Variants in ERICH6B observed in about 807,000 individuals in gnomAD.
ERICH6B encodes the protein glutamate rich 6B.
Under a neutral mutation model 80.0 loss-of-function variants are expected in ERICH6B, and 69 were observed. The ratio of observed to expected loss-of-function variants is 0.86; its 90% CI spans 0.71 to 1.05. The LOEUF is 1.05. Ranked by LOEUF, ERICH6B falls within the 50% of genes least tolerant of loss-of-function variation. The pLI, the probability that ERICH6B is intolerant of heterozygous loss-of-function variation, is 0.00. For missense variants in ERICH6B, 754 were observed against 796.1 expected (o/e 0.95, Z 0.64); for synonymous variants, 283 against 291.9 (o/e 0.97, Z 0.31).
intron 13 of ERICH6B, among the ~76,000 whole-genome samples, chr13:45,546,439 C>T (rs897016401): frequency 1.3e-5 from 2 of 152,178 alleles, no homozygotes; most frequent in Admixed American, 6.5e-5. Context: ...CAGGGTGTGG[C>T]GATGTACTAC....
intron 4 of ERICH6B, among the ~76,000 whole-genome samples, chr13:45,587,865 G>T (rs529229547): frequency 6.6e-6 from 1 of 152,252 alleles, no homozygotes; most frequent in South Asian, 2.1e-4. Flanking sequence ...GAATGAGAGG[G>T]GTCCTTGGGG....
intron 5 of ERICH6B, among the ~76,000 whole-genome samples, chr13:45,582,875 A>G (rs1236138725): frequency 6.6e-6 from 1 of 152,218 alleles, no homozygotes; most frequent in African/African-American, 2.4e-5. Flanking sequence ...AAAGTGACCT[A>G]AAAGCCAGTA....
intron 1 of ERICH6B, among the ~76,000 whole-genome samples, chr13:45,613,642 G>A (rs1949911955): frequency 6.6e-6 from 1 of 152,142 alleles, no homozygotes; most frequent in Admixed American, 6.5e-5. Context: ...CTTGGGACTT[G>A]GGGTGTGCTG....
intron 3 of ERICH6B, 60 bp downstream of exon 3, chr13:45,596,309 C>T: frequency 6.7e-7 from 1 of 1,485,324 alleles, no homozygotes; most frequent in Non-Finnish European, 9.0e-7. Context: ...TTCATCCAAC[C>T]TTCTTTCCCT....
intron 14 of ERICH6B, 107 bp downstream of exon 14, chr13:45,544,653 A>G: frequency 2.2e-6 from 2 of 928,886 alleles, no homozygotes; most frequent in Non-Finnish European, 3.3e-6. Flanking sequence ...GTTGGCATAT[A>G]TAGAACAAGC....
At chr13:45,613,664 C>A (rs1249710537) in intron 1 of ERICH6B, among the ~76,000 whole-genome samples, 1 of 152,132 alleles carries the variant, frequency 6.6e-6, no homozygotes, top group East Asian at 1.9e-4. Context: ...CTAACCAACC[C>A]CTTTCTTCTA....
chr13:45,551,111 G>T (rs1874206071), intron 11 of ERICH6B, among the ~76,000 whole-genome samples: 1 of 152,098 alleles, frequency 6.6e-6, no homozygotes, highest in South Asian at 2.1e-4. Context: ...AAAATTTTAA[G>T]TTTATAGTGT....
intron 11 of ERICH6B, among the ~76,000 whole-genome samples, chr13:45,558,067 A>C (rs1874512114): frequency 1.3e-5 from 2 of 152,140 alleles, no homozygotes; most frequent in Admixed American, 1.3e-4. Flanking sequence ...ATCCATGAGC[A>C]TGGGATGTGT....
At chr13:45,542,548 G>A (rs1007753569) in intron 14 of ERICH6B, among the ~76,000 whole-genome samples, 5 of 152,322 alleles carry the variant, frequency 3.3e-5, no homozygotes, top group Middle Eastern at 3.4e-3. Context: ...TCTCCAAGGC[G>A]TCAGGCCCCC....
intron 2 of ERICH6B, among the ~76,000 whole-genome samples, chr13:45,599,694 A>T (rs1316392460): frequency 2.0e-5 from 3 of 152,116 alleles, no homozygotes; most frequent in Admixed American, 1.3e-4. Flanking sequence ...TTACAGTTTC[A>T]GTTTGATTAT....
intron 1 of ERICH6B, among the ~76,000 whole-genome samples, chr13:45,608,545 A>G (rs1949882304): frequency 6.6e-6 from 1 of 152,236 alleles, no homozygotes; most frequent in Non-Finnish European, 1.5e-5. Flanking sequence ...CCTCTCCTGT[A>G]TGATGGGTAC....
At chr13:45,603,840 T>C (rs1949840895) in intron 2 of ERICH6B, among the ~76,000 whole-genome samples, 1 of 152,232 alleles carries the variant, frequency 6.6e-6, no homozygotes, top group Admixed American at 6.5e-5. Flanking sequence ...GTCTTGCTCA[T>C]CTCATTACAA....
chr13:45,561,267 G>T, intron 11 of ERICH6B, 102 bp downstream of exon 11: 1 of 1,183,056 alleles, frequency 8.5e-7, no homozygotes, highest in Non-Finnish European at 1.2e-6. Context: ...TGTTTACATT[G>T]TGTGTTGTTC....
intron 4 of ERICH6B, among the ~76,000 whole-genome samples, chr13:45,590,264 G>A (rs375870484): frequency 5.8e-4 from 88 of 151,868 alleles, no homozygotes; most frequent in African/African-American, 2.1e-3. Flanking sequence ...TTCAGGCCTT[G>A]GAAATATGCC....
At chr13:45,553,954 T>C (rs1366207719) in intron 11 of ERICH6B, among the ~76,000 whole-genome samples, 1 of 152,210 alleles carries the variant, frequency 6.6e-6, no homozygotes, top group Non-Finnish European at 1.5e-5. Context: ...CTCACATATG[T>C]TTTGTTATGG....
chr13:45,566,581 C>A (rs560595888), intron 9 of ERICH6B, among the ~76,000 whole-genome samples: 2 of 152,366 alleles, frequency 1.3e-5, no homozygotes, highest in South Asian at 4.1e-4. Flanking sequence ...AGGGTGTAAA[C>A]CCCAAGCCTT....
chr13:45,578,833 G>T (rs999110522), intron 7 of ERICH6B, among the ~76,000 whole-genome samples: 1 of 152,214 alleles, frequency 6.6e-6, no homozygotes, highest in Admixed American at 6.5e-5. Flanking sequence ...AGGGAGGATT[G>T]CTTGAGCCCA....
intron 2 of ERICH6B, among the ~76,000 whole-genome samples, chr13:45,600,860 C>T (rs1949823063): frequency 6.6e-6 from 1 of 152,070 alleles, no homozygotes; most frequent in Non-Finnish European, 1.5e-5. Context: ...TGGGTTGATA[C>T]CCAGGAGTGG....
intron 8 of ERICH6B, among the ~76,000 whole-genome samples, chr13:45,570,665 G>T (rs1171072019): frequency 6.6e-6 from 1 of 152,132 alleles, no homozygotes; most frequent in Non-Finnish European, 1.5e-5. Flanking sequence ...CATTGCAGCC[G>T]CAGGTTCCAT....
Sources: allele counts gnomAD v4.1 joint callset (sites outside exome capture counted in the v4.1 genomes callset), GRCh38; gene constraint gnomAD v4.1.1; transcripts MANE v1.5; gene names NCBI Gene and HGNC (gene_info 2026-07-23, HGNC 2026-07-21).